Variants in BTRC observed in about 807,000 individuals in gnomAD.
BTRC encodes the protein beta-transducin repeat containing E3 ubiquitin protein ligase.
In BTRC, 42 loss-of-function variants were observed where a neutral mutation model predicts 85.5. The observed-to-expected ratio is 0.49, with a 90% CI of 0.38 to 0.64. BTRC has a LOEUF of 0.64. Ranked by LOEUF, BTRC falls within the 30% of genes least tolerant of loss-of-function variation. BTRC has a pLI of 0.00. For missense variants in BTRC, 594 were observed against 743.5 expected (o/e 0.80, Z 2.34); for synonymous variants, 255 against 263.3 (o/e 0.97, Z 0.30).
intron 4 of BTRC, among the ~76,000 whole-genome samples, chr10:101,493,385 C>G (rs1372066160): frequency 6.6e-6 from 1 of 152,224 alleles, no homozygotes; most frequent in African/African-American, 2.4e-5. Flanking sequence ...ATTGTGTTTA[C>G]ACACAAATGA....
At chr10:101,366,768 A>T (rs1220832642) in intron 1 of BTRC, among the ~76,000 whole-genome samples, 7 of 47,322 alleles carry the variant, frequency 1.5e-4, no homozygotes, top group African/African-American at 2.5e-4. Flanking sequence ...TAATCTAGTT[A>T]TATATATATA....
At chr10:101,385,091 G>A (rs1254750135) in intron 1 of BTRC, among the ~76,000 whole-genome samples, 1 of 151,960 alleles carries the variant, frequency 6.6e-6, no homozygotes, top group Non-Finnish European at 1.5e-5. Context: ...AAATTAGCGT[G>A]GCATGGTGGT....
At chr10:101,525,108 A>G (rs2062170944) in intron 5 of BTRC, among the ~76,000 whole-genome samples, 1 of 152,192 alleles carries the variant, frequency 6.6e-6, no homozygotes, top group Non-Finnish European at 1.5e-5. Flanking sequence ...TCAGTTGTAA[A>G]TGTAGAACAG....
At chr10:101,362,620 C>T (rs1398882144) in intron 1 of BTRC, among the ~76,000 whole-genome samples, 1 of 150,534 alleles carries the variant, frequency 6.6e-6, no homozygotes, top group Non-Finnish European at 1.5e-5. Context: ...GTCTTGAACT[C>T]CCGACCTTAG....
At chr10:101,422,505 G>A (rs531618756) in intron 1 of BTRC, among the ~76,000 whole-genome samples, 5 of 152,238 alleles carry the variant, frequency 3.3e-5, no homozygotes, top group Admixed American at 1.3e-4. Context: ...GGCTTTTGTT[G>A]CTATGGCTTT....
chr10:101,398,843 G>T lies in BTRC; in HGVS notation c.49-31502G>T, dbSNP rs1189247283. On this transcript the variant is annotated intron_variant, in intron 1 of 14. Transcript: ENST00000370187. ...TTTCATGAAAATCCAGGTTGATTTT[G>T]CCTGAGCATAAGTTGGTCTTCATCA... Among the ~76,000 whole-genome samples, 3 of 152,196 alleles carry T rather than the reference G, an allele frequency of 2.0e-5. No individual in the cohort carries two copies. The South Asian group carries it at 6.2e-4, about 32-fold the overall frequency.
At chr10:101,449,412 C>G (rs1944905031) in intron 2 of BTRC, among the ~76,000 whole-genome samples, 1 of 152,024 alleles carries the variant, frequency 6.6e-6, no homozygotes, top group African/African-American at 2.4e-5. Context: ...AGAAAATCTA[C>G]AGAGGTCGAG....
intron 2 of BTRC, among the ~76,000 whole-genome samples, chr10:101,459,122 A>G (rs1263815489): frequency 2.6e-5 from 4 of 152,202 alleles, no homozygotes; most frequent in South Asian, 2.1e-4. Flanking sequence ...TTAGCACCCA[A>G]TGATGATTCT....
intron 4 of BTRC, among the ~76,000 whole-genome samples, chr10:101,507,236 A>G (rs1254272699): frequency 6.6e-6 from 1 of 152,222 alleles, no homozygotes; most frequent in Non-Finnish European, 1.5e-5. Flanking sequence ...AAATATAAGT[A>G]ACACGCAACC....
At chr10:101,399,576 A>G (rs1943447350) in intron 1 of BTRC, among the ~76,000 whole-genome samples, 1 of 152,186 alleles carries the variant, frequency 6.6e-6, no homozygotes, top group Non-Finnish European at 1.5e-5. Flanking sequence ...GGAATGTCAC[A>G]ATGCAAGGAT....
intron 1 of BTRC, among the ~76,000 whole-genome samples, chr10:101,378,797 T>TTACAGGCA (rs66536561): frequency 0.36 from 54,514 of 151,590 alleles, 10,839 homozygotes; most frequent in Middle Eastern, 0.47. Context: ...AGTGCTAGAA[T>TTACAGGCA]TGAACCACTG....
chr10:101,530,658 A>G (rs2062266649), intron 6 of BTRC, among the ~76,000 whole-genome samples: 1 of 152,146 alleles, frequency 6.6e-6, no homozygotes, highest in South Asian at 2.1e-4. Context: ...TGATATTATA[A>G]TATTCCTAAA....
chr10:101,449,117 G>T (rs1333453526), intron 2 of BTRC, among the ~76,000 whole-genome samples: 1 of 151,912 alleles, frequency 6.6e-6, no homozygotes, highest in African/African-American at 2.4e-5. Flanking sequence ...CTAGCTTTCA[G>T]AAATGTAGTT....
At chr10:101,529,017 C>A (rs2062242315) in intron 6 of BTRC, among the ~76,000 whole-genome samples, 1 of 152,144 alleles carries the variant, frequency 6.6e-6, no homozygotes, top group African/African-American at 2.4e-5. Context: ...AATGGTAACT[C>A]TTAAAAGTAT....
intron 2 of BTRC, among the ~76,000 whole-genome samples, chr10:101,441,889 A>AG (rs1475806472): frequency 6.6e-6 from 1 of 151,694 alleles, no homozygotes; most frequent in Non-Finnish European, 1.5e-5. Context: ...CAAAAAAAAA[A>AG]AAAAAAAAAA....
chr10:101,404,038 T>A (rs1943559226), intron 1 of BTRC, among the ~76,000 whole-genome samples: 1 of 107,160 alleles, frequency 9.3e-6, no homozygotes, highest in African/African-American at 3.4e-5. Context: ...ATATTTTTTT[T>A]TTTTTTTTTT....
intron 1 of BTRC, among the ~76,000 whole-genome samples, chr10:101,389,119 GTTTTTTTTTTTTTTTT>G (rs1188561028): frequency 2.4e-5 from 1 of 41,556 alleles, no homozygotes. Context: ...TTTTGTGTGT[GTTTTTTTTTTTTTTTT>G]TTTTTTTTTT....
chr10:101,509,809 G>T (rs779794566), intron 4 of BTRC, among the ~76,000 whole-genome samples: 10 of 144,962 alleles, frequency 6.9e-5, no homozygotes, highest in Non-Finnish European at 1.0e-4. Flanking sequence ...CAGTCCTTCT[G>T]CCCTGGCGTC....
intron 5 of BTRC, among the ~76,000 whole-genome samples, chr10:101,522,971 C>G (rs1159496990): frequency 6.6e-6 from 1 of 151,952 alleles, no homozygotes; most frequent in Non-Finnish European, 1.5e-5. Context: ...TTTGGGAGGC[C>G]GAAGTGGATG....
Sources: allele counts gnomAD v4.1 joint callset (sites outside exome capture counted in the v4.1 genomes callset), GRCh38; gene constraint gnomAD v4.1.1; transcripts MANE v1.5; gene names NCBI Gene and HGNC (gene_info 2026-07-23, HGNC 2026-07-21).